Variants in PLEKHG1 observed in about 807,000 individuals in gnomAD.
The protein encoded by PLEKHG1 is pleckstrin homology domain-containing family G member 1.
PLEKHG1 carries 44 observed loss-of-function variants against 100.8 expected under a neutral mutation model. That is an observed-to-expected ratio of 0.44 (90% CI 0.34 to 0.56). PLEKHG1 has a LOEUF of 0.56. Among genes scored for constraint, PLEKHG1 ranks in the 20% least tolerant of loss-of-function variants. The probability of loss-of-function intolerance (pLI) is 0.01; values close to 1 mark genes in which losing one functional copy is unlikely to be tolerated. For synonymous variants in PLEKHG1, 640 were observed against 662.5 expected, an observed-to-expected ratio of 0.97 and a Z score of 0.52; for missense variants, 1,545 against 1,720.9, an observed-to-expected ratio of 0.90 and a Z score of 1.81.
chr6:150,833,596 C>T (rs1777076484), intron 15 of PLEKHG1, among the ~76,000 whole-genome samples: 1 of 152,060 alleles, frequency 6.6e-6, no homozygotes, highest in Admixed American at 6.6e-5. Context: ...TGAATAAAGC[C>T]CCTGATTGTC....
chr6:150,641,050 C>T (rs895238846), intron 2 of PLEKHG1, among the ~76,000 whole-genome samples: 1 of 152,064 alleles, frequency 6.6e-6, no homozygotes, highest in Non-Finnish European at 1.5e-5. Flanking sequence ...TACAAGTGTC[C>T]TGCCCTTTGA....
At chr6:150,671,593 CA>C (rs1378052019) in intron 3 of PLEKHG1, among the ~76,000 whole-genome samples, 1 of 152,178 alleles carries the variant, frequency 6.6e-6, no homozygotes, top group Non-Finnish European at 1.5e-5. Flanking sequence ...ACAGTGCTTA[CA>C]TTGGTAGTGA....
At chr6:150,665,535 C>T (rs1480499128) in intron 3 of PLEKHG1, among the ~76,000 whole-genome samples, 2 of 152,038 alleles carry the variant, frequency 1.3e-5, no homozygotes, top group African/African-American at 4.8e-5. Context: ...TAGGCTGAGG[C>T]AGGAGAATCG....
chr6:150,734,631 C>T (rs4869692), intron 2 of PLEKHG1, among the ~76,000 whole-genome samples: 11,142 of 152,146 alleles, frequency 0.073, 463 homozygotes, highest in Admixed American at 0.14. Context: ...GGTTTGCAGC[C>T]GCTGCTGTCT....
chr6:150,819,089 C>A (rs933096425), intron 11 of PLEKHG1, among the ~76,000 whole-genome samples: 3 of 151,594 alleles, frequency 2.0e-5, no homozygotes, highest in Non-Finnish European at 4.4e-5. Flanking sequence ...TAGACATCAA[C>A]ATTTTACCTG....
intron 6 of PLEKHG1, among the ~76,000 whole-genome samples, chr6:150,804,170 TA>T (rs1786887387): frequency 3.4e-4 from 17 of 49,694 alleles, no homozygotes; most frequent in East Asian, 1.1e-3. Flanking sequence ...TATATATATA[TA>T]TATATTTTTT....
intron 3 of PLEKHG1, among the ~76,000 whole-genome samples, chr6:150,705,832 T>C (rs1158107725): frequency 2.6e-5 from 4 of 152,194 alleles, no homozygotes; most frequent in African/African-American, 9.7e-5. Flanking sequence ...GTTAAAAGTT[T>C]TATCTCTGGG....
intron 2 of PLEKHG1, among the ~76,000 whole-genome samples, chr6:150,750,673 C>T (rs4994203): frequency 0.15 from 21,751 of 140,754 alleles, 2,954 homozygotes; most frequent in African/African-American, 0.38. Context: ...CCCAGCTACT[C>T]GGGAGGCTGA....
Position 150,821,190 on chromosome 6 carries a change from C to T in PLEKHG1, c.1409-5C>T, listed in dbSNP as rs775061541. The T allele has an allele frequency of 3.1e-6, 5 of 1,599,550 alleles. No individual in the cohort carries two copies. Among genetic ancestry groups the T allele is most frequent in the Non-Finnish European group, 4.2e-6 (5 of 1,178,230 alleles). On this transcript the variant is annotated splice_polypyrimidine_tract_variant and splice_region_variant and intron_variant, in intron 12 of 15. Transcript: ENST00000358517. ...CAATGATGCTGGCTTTGTTTTGTCT[C>T]CCAGAACCTTCCTCACGGTCACATA...
At chr6:150,786,354 C>A (rs530539906) in intron 3 of PLEKHG1, 36 bp from the exon 5 acceptor site, 1 of 1,388,250 alleles carries the variant, frequency 7.2e-7, no homozygotes, top group South Asian at 1.2e-5. Flanking sequence ...CAGAAGACTA[C>A]AATCTAATAC....
At chr6:150,699,020 T>G (rs1780660300) in intron 3 of PLEKHG1, among the ~76,000 whole-genome samples, 1 of 152,210 alleles carries the variant, frequency 6.6e-6, no homozygotes. Flanking sequence ...TGTTTGTTGC[T>G]TTTACATTAC....
chr6:150,669,948 T>C (rs1446386822), intron 3 of PLEKHG1, among the ~76,000 whole-genome samples: 1 of 152,228 alleles, frequency 6.6e-6, no homozygotes, highest in East Asian at 1.9e-4. Flanking sequence ...ATGCTCTTCA[T>C]GTGGACATTG....
intron 3 of PLEKHG1, among the ~76,000 whole-genome samples, chr6:150,715,226 C>T (rs1265721489): frequency 6.6e-6 from 1 of 151,946 alleles, no homozygotes; most frequent in African/African-American, 2.4e-5. Flanking sequence ...TTTGTTTGAA[C>T]AAGTATGTAA....
intron 1 of PLEKHG1, among the ~76,000 whole-genome samples, chr6:150,731,535 A>T (rs769416728): frequency 2.6e-5 from 4 of 152,242 alleles, no homozygotes; most frequent in Non-Finnish European, 5.9e-5. Flanking sequence ...ATTAGTACCA[A>T]CTGTTTAGTG....
At chr6:150,622,449 T>C (rs1777338107) in intron 1 of PLEKHG1, among the ~76,000 whole-genome samples, 1 of 152,118 alleles carries the variant, frequency 6.6e-6, no homozygotes, top group South Asian at 2.1e-4. Context: ...TCCCCATGGG[T>C]ACTCTTTTGG....
chr6:150,752,932 C>A (rs1783605267), intron 2 of PLEKHG1, among the ~76,000 whole-genome samples: 1 of 151,906 alleles, frequency 6.6e-6, no homozygotes, highest in Admixed American at 6.6e-5. Context: ...GGCAACATGG[C>A]GAAACCCTGT....
intron 10 of PLEKHG1, among the ~76,000 whole-genome samples, chr6:150,812,620 A>G (rs937519391): frequency 6.6e-6 from 1 of 152,228 alleles, no homozygotes; most frequent in African/African-American, 2.4e-5. Flanking sequence ...TTTTATATGT[A>G]AAGTTCACAA....
At chr6:150,796,884 A>G (rs1368046194) in intron 5 of PLEKHG1, among the ~76,000 whole-genome samples, 1 of 152,140 alleles carries the variant, frequency 6.6e-6, no homozygotes, top group African/African-American at 2.4e-5. Context: ...TGCTATGAGT[A>G]TGTCCTTTGA....
At chr6:150,749,893 G>A (rs1783394527) in intron 2 of PLEKHG1, among the ~76,000 whole-genome samples, 1 of 151,974 alleles carries the variant, frequency 6.6e-6, no homozygotes, top group Admixed American at 6.6e-5. Flanking sequence ...CCAACATAGT[G>A]AAACCCCGTC....
Sources: allele counts gnomAD v4.1 joint callset (sites outside exome capture counted in the v4.1 genomes callset), GRCh38; gene constraint gnomAD v4.1.1; transcripts MANE v1.5; gene names NCBI Gene and HGNC (gene_info 2026-07-23, HGNC 2026-07-21).